Variants in DCAF5 observed in about 807,000 individuals in gnomAD.
DCAF5 encodes DDB1- and CUL4-associated factor 5.
In DCAF5, 9 loss-of-function variants were observed where a neutral mutation model predicts 80.7. That is an observed-to-expected ratio of 0.11 (90% CI 0.07 to 0.19). DCAF5 has a LOEUF of 0.19. Ranked by LOEUF, DCAF5 falls within the 10% of genes least tolerant of loss-of-function variation. The probability of loss-of-function intolerance (pLI) is 1.00; values close to 1 mark genes in which losing one functional copy is unlikely to be tolerated. For synonymous variants in DCAF5, 433 were observed against 461.9 expected (o/e 0.94, Z 0.80); for missense variants, 842 against 1,205.7 (o/e 0.70, Z 4.47).
intron 6 of DCAF5, among the ~76,000 whole-genome samples, chr14:69,081,934 A>T (rs1412007980): frequency 6.6e-6 from 1 of 152,204 alleles, no homozygotes; most frequent in Non-Finnish European, 1.5e-5. Context: ...TCTCCAGTAA[A>T]TGGCATGCCT....
At chr14:69,128,157 C>T (rs1311464788) in intron 1 of DCAF5, among the ~76,000 whole-genome samples, 3 of 151,182 alleles carry the variant, frequency 2.0e-5, no homozygotes, top group African/African-American at 7.3e-5. Context: ...CTATACTATT[C>T]TACTTTTGTG....
At chr14:69,102,231 C>T (rs2039977371) in intron 5 of DCAF5, among the ~76,000 whole-genome samples, 1 of 151,230 alleles carries the variant, frequency 6.6e-6, no homozygotes, top group Non-Finnish European at 1.5e-5. Flanking sequence ...GCTTCAGCCT[C>T]CTGAGCAGCT....
At chr14:69,112,005 G>A (rs138360542) in intron 5 of DCAF5, among the ~76,000 whole-genome samples, 166 of 152,216 alleles carry the variant, frequency 1.1e-3, no homozygotes, top group Non-Finnish European at 1.7e-3. Flanking sequence ...CATCATAAAG[G>A]TTTTGGCTGA....
chr14:69,147,693 G>C (rs2041581081), intron 1 of DCAF5, among the ~76,000 whole-genome samples: 1 of 152,098 alleles, frequency 6.6e-6, no homozygotes, highest in South Asian at 2.1e-4. Context: ...TAAGTATTAT[G>C]ACCAAGCAAC....
chr14:69,053,837 T>C lies in DCAF5; in HGVS notation c.*20A>G. 1 of 1,569,470 alleles carries C rather than the reference T, an allele frequency of 6.4e-7. No homozygotes were observed. Among genetic ancestry groups the C allele is most frequent in the Non-Finnish European group, 8.6e-7 (1 of 1,167,624 alleles). ...TTTGTAAGGCTACTTTTGTAGCTTT[T>C]TGTTTTCCCTTTGTATTTATCATGT... On this transcript the variant is annotated 3_prime_UTR_variant, in exon 9 of 9. Transcript: ENST00000341516.
At chr14:69,065,704 A>C (rs1227153007) in intron 7 of DCAF5, among the ~76,000 whole-genome samples, 1 of 152,224 alleles carries the variant, frequency 6.6e-6, no homozygotes, top group Non-Finnish European at 1.5e-5. Context: ...TAGTCCTAGA[A>C]ATTTGTATAA....
rs147957521 is a variant in DCAF5, at chr14:69,089,870, C to CAG, written c.879+1802_879+1803dup. 4.8e-4 allele frequency: 444 copies of CAG among 916,458 alleles called. 3 individuals are homozygous for CAG. The African/African-American group carries it at 7.3e-3, about 15-fold the overall frequency. The allele number at this position is 916,458 out of a possible 1,614,324, so 56.8% of individuals were successfully genotyped here. Reference sequence around the variant, plus strand: ...GCTAACCATCTTATAATGCATAGGACAGCTCCACACAACAAAGAACTATCT... The same window carrying CAG: ...GCTAACCATCTTATAATGCATAGGACAGAGCTCCACACAACAAAGAACTATCT... On this transcript the variant is annotated intron_variant, in intron 6 of 8. Transcript: ENST00000341516.
chr14:69,093,464 T>A (rs1210382998), intron 5 of DCAF5, among the ~76,000 whole-genome samples: 2 of 152,106 alleles, frequency 1.3e-5, no homozygotes. Flanking sequence ...TTGTACCAAG[T>A]GAAAAAAGAG....
chr14:69,151,328 A>T (rs2041696641), intron 1 of DCAF5, among the ~76,000 whole-genome samples: 1 of 152,154 alleles, frequency 6.6e-6, no homozygotes, highest in Admixed American at 6.5e-5. Flanking sequence ...AAATGATCAC[A>T]GAAGACCTTT....
chr14:69,139,055 G>C (rs2041276605), intron 1 of DCAF5, among the ~76,000 whole-genome samples: 1 of 152,142 alleles, frequency 6.6e-6, no homozygotes, highest in Non-Finnish European at 1.5e-5. Context: ...AGAGGTTGAG[G>C]TGGGAGGATC....
chr14:69,111,614 G>A (rs755423562), intron 5 of DCAF5, among the ~76,000 whole-genome samples: 1 of 152,056 alleles, frequency 6.6e-6, no homozygotes, highest in Non-Finnish European at 1.5e-5. Flanking sequence ...TGAGAGCAGG[G>A]GAAACTTTTG....
intron 8 of DCAF5, among the ~76,000 whole-genome samples, chr14:69,062,056 T>C (rs1216809627): frequency 6.6e-6 from 1 of 152,080 alleles, no homozygotes; most frequent in Non-Finnish European, 1.5e-5. Context: ...CTTTCTTTCT[T>C]CTTTTTTTAA....
intron 1 of DCAF5, among the ~76,000 whole-genome samples, chr14:69,143,437 C>A (rs2041433946): frequency 6.6e-6 from 1 of 151,986 alleles, no homozygotes; most frequent in Non-Finnish European, 1.5e-5. Flanking sequence ...ATAATACTAC[C>A]CTAACTTACA....
intron 1 of DCAF5, among the ~76,000 whole-genome samples, chr14:69,149,193 G>A (rs987456619): frequency 6.6e-5 from 10 of 152,234 alleles, no homozygotes; most frequent in African/African-American, 1.7e-4. Flanking sequence ...GTATACCTCA[G>A]AAAACACATT....
At chr14:69,078,756 T>C (rs988885527) in intron 6 of DCAF5, among the ~76,000 whole-genome samples, 4 of 152,058 alleles carry the variant, frequency 2.6e-5, no homozygotes, top group Admixed American at 1.3e-4. Context: ...GCAGGGGAAA[T>C]GGGGAGTTGA....
intron 1 of DCAF5, among the ~76,000 whole-genome samples, chr14:69,145,410 A>T (rs1259049601): frequency 1.3e-5 from 2 of 152,228 alleles, no homozygotes; most frequent in African/African-American, 2.4e-5. Flanking sequence ...GTGTCTAAAG[A>T]TAAATTAACT....
chr14:69,061,738 C>G (rs1457532049), intron 8 of DCAF5, among the ~76,000 whole-genome samples: 2 of 152,200 alleles, frequency 1.3e-5, no homozygotes, highest in African/African-American at 4.8e-5. Context: ...TCCTAACCTC[C>G]AGATGAGGTT....
At chr14:69,069,756 C>T (rs995045855) in intron 7 of DCAF5, among the ~76,000 whole-genome samples, 4 of 151,652 alleles carry the variant, frequency 2.6e-5, no homozygotes, top group African/African-American at 7.3e-5. Context: ...ATTACAGGTA[C>T]GAGCCATTGT....
At chr14:69,116,329 A>G (rs1405638580) in intron 5 of DCAF5, 37 bp downstream of exon 5, 1 of 1,590,292 alleles carries the variant, frequency 6.3e-7, no homozygotes, top group Non-Finnish European at 8.6e-7. Flanking sequence ...AATGAGGCAG[A>G]GGAAAGTTTT....
Sources: allele counts gnomAD v4.1 joint callset (sites outside exome capture counted in the v4.1 genomes callset), GRCh38; gene constraint gnomAD v4.1.1; transcripts MANE v1.5; gene names NCBI Gene and HGNC (gene_info 2026-07-23, HGNC 2026-07-21).